ZNF470: variants seen among roughly 807,000 people sequenced by gnomAD.
ZNF470 encodes chondrogenesis zinc finger protein 1.
ZNF470 carries 13 observed loss-of-function variants against 13.9 expected under a neutral mutation model. That is an observed-to-expected ratio of 0.94 (90% CI 0.61 to 1.49). The LOEUF is 1.49. ZNF470 is among the 40% of genes most tolerant of loss of function. ZNF470 has a pLI of 0.00. For missense variants in ZNF470, 929 were observed against 857.3 expected, an observed-to-expected ratio of 1.08 and a Z score of -1.04; for synonymous variants, 293 against 282.9, an observed-to-expected ratio of 1.04 and a Z score of -0.36.
chr19:56,572,150 G>A (rs959846359), intron 3 of ZNF470, among the ~76,000 whole-genome samples: 2 of 149,680 alleles, frequency 1.3e-5, no homozygotes, highest in Non-Finnish European at 3.0e-5. Context: ...CCCAGTGAAA[G>A]TTGCTATAAA....
rs985054289 is a variant in ZNF470, at chr19:56,567,711, G to A, written c.-486G>A. ...GCGCGCGCGGGGATGGCGGCCCGGT[G>A]TGTGACTGTCCGGTGCGTGGCCGCG... On this transcript the variant is annotated 5_prime_UTR_variant, in exon 1 of 6. The change creates a new upstream start codon in the 5' untranslated region. Transcript: ENST00000330619. 2.7e-5 allele frequency: 27 copies of A among 988,980 alleles called. No individual in the cohort carries two copies. Among genetic ancestry groups the A allele is most frequent in the Non-Finnish European group, 3.1e-5 (26 of 832,932 alleles). The allele number at this position is 988,980 out of a possible 1,614,324, so 61.3% of individuals were successfully genotyped here.
At chr19:56,571,921 A>G (rs1032009780) in intron 3 of ZNF470, among the ~76,000 whole-genome samples, 3 of 149,194 alleles carry the variant, frequency 2.0e-5, no homozygotes, top group Non-Finnish European at 4.5e-5. Flanking sequence ...CCTGGCAAAA[A>G]TTTTTTTTTT....
chr19:56,574,307 C>T (rs2147983944), intron 3 of ZNF470, 87 bp from the exon 4 acceptor site: 3 of 1,597,848 alleles, frequency 1.9e-6, no homozygotes, highest in Non-Finnish European at 2.6e-6. Flanking sequence ...TTTTTAATCC[C>T]AAAGTGAGAA....
rs1260760871 is a variant in ZNF470, at chr19:56,572,512, A to G, written c.61-1882A>G. Among the ~76,000 whole-genome samples the G allele has an allele frequency of 5.0e-5, 7 of 139,934 alleles. No individual in the cohort carries two copies. In the East Asian group the frequency reaches 8.2e-4, roughly 16 times the overall value. 91.8% of individuals were successfully genotyped at this position (139,934 alleles called of 152,430 possible). On this transcript the variant is annotated intron_variant, in intron 3 of 5. Coordinates refer to ENST00000330619, the MANE Select transcript of ZNF470 (RefSeq NM_001001668.4). ...AGCCAAGATTGTACCACTGCACTCC[A>G]GTCTGGGCAACAGAACAAGACCCTG...
At chr19:56,576,523 A>G (rs1320603986) in intron 5 of ZNF470, among the ~76,000 whole-genome samples, 190 bp from the exon 6 acceptor site, 1 of 152,200 alleles carries the variant, frequency 6.6e-6, no homozygotes, top group Non-Finnish European at 1.5e-5. Flanking sequence ...GAAATAGTAT[A>G]CCATGGCCAA....
chr19:56,567,801 C>A lies in ZNF470; in HGVS notation c.-396C>A. ...GCGGTGTGTGTTGGAATGAGTGAAG[C>A]ACTTTAAGTGGCCAAGAGCAGGAAA... On this transcript the variant is annotated 5_prime_UTR_variant, in exon 1 of 6. Coordinates refer to ENST00000330619, the MANE Select transcript of ZNF470 (RefSeq NM_001001668.4). 1 of 986,868 alleles carries A rather than the reference C, an allele frequency of 1.0e-6. No homozygotes were observed. Among genetic ancestry groups the A allele is most frequent in the Non-Finnish European group, 1.2e-6 (1 of 831,080 alleles). The allele number at this position is 986,868 out of a possible 1,614,324, so 61.1% of individuals were successfully genotyped here.
rs747075958 is a variant in ZNF470 at position 56,578,021 on chromosome 19, A to G, written c.1592A>G (p.His531Arg). 5 of 1,613,304 alleles carry G rather than the reference A, an allele frequency of 3.1e-6. No homozygotes were observed. In the Admixed American group the frequency reaches 8.3e-5, roughly 27 times the overall value. ...NAHLAQHQKI[H>R]TGEKPYECKE... is the part of the protein sequence containing the mutation. Reference sequence around the variant, plus strand: ...CACCTCGCGCAACATCAGAAAATACACACTGGGGAGAAACCTTATGAATGT... The same window carrying G: ...CACCTCGCGCAACATCAGAAAATACGCACTGGGGAGAAACCTTATGAATGT... Residue 531 changes from histidine to arginine, a missense_variant, in exon 6 of 6, where the codon CAC (histidine) becomes CGC (arginine). Physicochemically the swap from His to Arg is conservative, Grantham distance 29. Coordinates refer to ENST00000330619, the MANE Select transcript of ZNF470 (RefSeq NM_001001668.4).
chr19:56,567,918 G>A lies in ZNF470; in HGVS notation c.-279G>A, dbSNP rs1444273373. The A allele has an allele frequency of 2.0e-6, 2 of 985,592 alleles. No homozygotes were observed. Among genetic ancestry groups the A allele is most frequent in the Non-Finnish European group, 2.4e-6 (2 of 830,166 alleles). The allele number at this position is 985,592 out of a possible 1,614,324, so 61.1% of individuals were successfully genotyped here. ...TCCTAGAGCCCGGGGAAGTTGCCCG[G>A]GCGGGGCAGCCTCGGCTGAAGCATT... On this transcript the variant is annotated 5_prime_UTR_variant, in exon 1 of 6. Coordinates refer to ENST00000330619, the MANE Select transcript of ZNF470 (RefSeq NM_001001668.4).
At chr19:56,576,168 G>A (rs1399016983) in intron 5 of ZNF470, among the ~76,000 whole-genome samples, 4 of 152,008 alleles carry the variant, frequency 2.6e-5, no homozygotes, top group Non-Finnish European at 5.9e-5. Context: ...TGAAAAAATA[G>A]ATGATATTCT....
rs187370233 is a variant in ZNF470 at position 56,581,221 on chromosome 19, A to C, written c.*2638A>C. The C allele has an allele frequency of 8.4e-6, 5 of 596,540 alleles. No individual in the cohort carries two copies. Among genetic ancestry groups the C allele is most frequent in the Non-Finnish European group, 8.4e-6 (4 of 475,310 alleles). The allele number at this position is 596,540 out of a possible 1,614,324, so 37.0% of individuals were successfully genotyped here. ...TGGACTAATGTCCCATTCACAAAAGATGCAATAAAAGCAGTTAATGAAAAT... is the reference window on the plus strand; with the variant it reads ...TGGACTAATGTCCCATTCACAAAAGCTGCAATAAAAGCAGTTAATGAAAAT... On this transcript the variant is annotated 3_prime_UTR_variant, in exon 6 of 6. Coordinates refer to ENST00000330619, the MANE Select transcript of ZNF470 (RefSeq NM_001001668.4).
chr19:56,567,719 G>C lies in ZNF470; in HGVS notation c.-478G>C. ...GGGGATGGCGGCCCGGTGTGTGACT[G>C]TCCGGTGCGTGGCCGCGAATCTGCG... On this transcript the variant is annotated 5_prime_UTR_variant, in exon 1 of 6. Coordinates refer to ENST00000330619, the MANE Select transcript of ZNF470 (RefSeq NM_001001668.4). The C allele has an allele frequency of 2.0e-6, 2 of 988,592 alleles. No individual in the cohort carries two copies. The highest frequency in any genetic ancestry group is 1.2e-6 in the Non-Finnish European group (1 of 832,438). The allele number at this position is 988,592 out of a possible 1,614,324, so 61.2% of individuals were successfully genotyped here.
In ZNF470 at chr19:56,581,336, A is replaced by T; in HGVS notation, c.*2753A>T. On this transcript the variant is annotated 3_prime_UTR_variant, in exon 6 of 6. Coordinates refer to ENST00000330619, the MANE Select transcript of ZNF470 (RefSeq NM_001001668.4). ...ACTGACTAATCGAGTGATAACATTC[A>T]GTATTGGTGAATGTGTGGAAACAAG... The T allele has an allele frequency of 5.7e-6, 5 of 874,942 alleles. No individual in the cohort carries two copies. Among genetic ancestry groups the T allele is most frequent in the Non-Finnish European group, 6.9e-6 (5 of 729,302 alleles). 54.2% of individuals were successfully genotyped at this position (874,942 alleles called of 1,614,324 possible).
In ZNF470 at chr19:56,578,878, C is replaced by T; in HGVS notation, c.*295C>T. 9.1e-7 allele frequency: 1 copy of T among 1,095,210 alleles called. No individual in the cohort carries two copies. The highest frequency in any genetic ancestry group is 1.1e-6 in the Non-Finnish European group (1 of 901,374). The allele number at this position is 1,095,210 out of a possible 1,614,324, so 67.8% of individuals were successfully genotyped here. A position where few individuals can be genotyped will look rare whatever the true frequency, so the allele number is the denominator to read the frequency against. On this transcript the variant is annotated 3_prime_UTR_variant, in exon 6 of 6. Coordinates refer to ENST00000330619, the MANE Select transcript of ZNF470 (RefSeq NM_001001668.4). ...ATAGTTATTGCTAAATAAATGCTAG[C>T]CATTAAGGTAAAGGTTTCCTTACAA...
chr19:56,572,728 A>T (rs1025074600), intron 3 of ZNF470, among the ~76,000 whole-genome samples: 1 of 151,936 alleles, frequency 6.6e-6, no homozygotes, highest in Non-Finnish European at 1.5e-5. Context: ...AAAGACAAAA[A>T]AATCTCAAAA....
chr19:56,578,733 G>A lies in ZNF470; in HGVS notation c.*150G>A. On this transcript the variant is annotated 3_prime_UTR_variant, in exon 6 of 6. Transcript: ENST00000330619. ...TTCTATCAACTACATGTTTAACACTGTAGGCAGCCTAACCTTTTAAAAATA... is the reference window on the plus strand; with the variant it reads ...TTCTATCAACTACATGTTTAACACTATAGGCAGCCTAACCTTTTAAAAATA... 1 of 1,273,048 alleles carries A rather than the reference G, an allele frequency of 7.9e-7. No individual in the cohort carries two copies. The highest frequency in any genetic ancestry group is 9.9e-7 in the Non-Finnish European group (1 of 1,008,270). 78.9% of individuals were successfully genotyped at this position (1,273,048 alleles called of 1,614,324 possible).
Position 56,582,169 on chromosome 19 carries a change from C to A in ZNF470, c.*3586C>A. The A allele has an allele frequency of 1.0e-6, 1 of 985,320 alleles. No homozygotes were observed. Among genetic ancestry groups the A allele is most frequent in the African/African-American group, 1.7e-5 (1 of 57,328 alleles). 61.0% of individuals were successfully genotyped at this position (985,320 alleles called of 1,614,324 possible). A position where few individuals can be genotyped will look rare whatever the true frequency, so the allele number is the denominator to read the frequency against. ...AAAGCATCTCATGGTGTGCGATGAGCAAACGCCTGATTATTCATTATAGTC... is the reference window on the plus strand; with the variant it reads ...AAAGCATCTCATGGTGTGCGATGAGAAAACGCCTGATTATTCATTATAGTC... On this transcript the variant is annotated 3_prime_UTR_variant, in exon 6 of 6. Coordinates refer to ENST00000330619, the MANE Select transcript of ZNF470 (RefSeq NM_001001668.4).
At position 56,578,041 on chromosome 19, in the gene ZNF470, G is replaced by T. The variant is rs200023137; in HGVS notation, c.1612G>T (p.Glu538Ter). The T allele has an allele frequency of 1.1e-5, 17 of 1,613,892 alleles. No homozygotes were observed. Among genetic ancestry groups the T allele is most frequent in the Non-Finnish European group, 1.4e-5 (16 of 1,180,000 alleles). Residue 538 changes from glutamate to a stop codon, truncating the protein, a stop_gained, in exon 6 of 6, where the codon GAA becomes TAA. Coordinates refer to ENST00000330619, the MANE Select transcript of ZNF470 (RefSeq NM_001001668.4). LOFTEE classifies it low-confidence loss of function (END_TRUNC). ...QKIHTGEKPY[E>*]CKECGKAFSQ... The stretch of plus-strand genomic sequence containing the variant: ...AATACACACTGGGGAGAAACCTTAT[G>T]AATGTAAGGAATGTGGTAAGGCCTT...
chr19:56,574,473 T>C lies in ZNF470; in HGVS notation c.140T>C (p.Leu47Ser), dbSNP rs754192416. The C allele has an allele frequency of 6.2e-7, 1 of 1,613,938 alleles. No individual in the cohort carries two copies. The highest frequency in any genetic ancestry group is 1.7e-5 in the Admixed American group (1 of 60,024). Reference sequence around the variant, plus strand: ...TGGCTGAATCTTGCTCAGAGAAGTTTGTACAAGAAGGTGATGTTAGAAAAC... The same window carrying C: ...TGGCTGAATCTTGCTCAGAGAAGTTCGTACAAGAAGGTGATGTTAGAAAAC... ...WEWLNLAQRS[L>S]YKKVMLENYR... Residue 47 changes from leucine (L) to serine (S), a missense_variant, in exon 4 of 6, where the codon TTG becomes TCG. Leu to Ser is a moderately radical substitution (Grantham distance 145, BLOSUM62 -2). Coordinates refer to ENST00000330619, the MANE Select transcript of ZNF470 (RefSeq NM_001001668.4).
In ZNF470 at chr19:56,578,324, A is replaced by C; in HGVS notation, c.1895A>C (p.His632Pro). ...AATGTTTGTGGGAAAGCCTTTAGCC[A>C]TCGTAAATCCCTTACTCTGCATCAG... Reference protein sequence around the residue: ...ECNVCGKAFSHRKSLTLHQRI... With the variant: ...ECNVCGKAFSPRKSLTLHQRI... The change falls in exon 6 of 6, where the codon CAT becomes CCT. Residue 632 changes from histidine (H) to proline (P), a missense_variant. Physicochemically the swap from His to Pro is moderately conservative, Grantham distance 77. Coordinates refer to ENST00000330619, the MANE Select transcript of ZNF470 (RefSeq NM_001001668.4). 6.2e-7 allele frequency: 1 copy of C among 1,613,070 alleles called. No homozygotes were observed. The highest frequency in any genetic ancestry group is 8.5e-7 in the Non-Finnish European group (1 of 1,179,478).
Sources: allele counts gnomAD v4.1 joint callset (sites outside exome capture counted in the v4.1 genomes callset), GRCh38; gene constraint gnomAD v4.1.1; transcripts MANE v1.5; gene names NCBI Gene and HGNC (gene_info 2026-07-23, HGNC 2026-07-21).